PLCE1: variants seen among roughly 807,000 people sequenced by gnomAD.
PLCE1 encodes the protein phospholipase C epsilon 1.
In PLCE1, 119 loss-of-function variants were observed where a neutral mutation model predicts 242.8. The ratio of observed to expected loss-of-function variants is 0.49; its 90% CI spans 0.42 to 0.57. The LOEUF (loss-of-function observed/expected upper bound fraction) is 0.57. Ranked by LOEUF, PLCE1 falls within the 20% of genes least tolerant of loss-of-function variation. The pLI is 0.00. For synonymous variants in PLCE1, 945 were observed against 1,017.4 expected, an observed-to-expected ratio of 0.93 and a Z score of 1.35; for missense variants, 2,441 against 2,788.8, an observed-to-expected ratio of 0.88 and a Z score of 2.81.
intron 2 of PLCE1, among the ~76,000 whole-genome samples, chr10:94,061,290 T>C (rs978492553): frequency 6.6e-6 from 1 of 152,182 alleles, no homozygotes; most frequent in Non-Finnish European, 1.5e-5. Context: ...CTATTGGAGA[T>C]GTAAAGATTA....
chr10:94,014,910 T>C (rs1260843055), intron 1 of PLCE1, among the ~76,000 whole-genome samples: 6 of 152,310 alleles, frequency 3.9e-5, no homozygotes, highest in African/African-American at 1.4e-4. Context: ...GATGCTGATG[T>C]AAATGTGAGA....
At position 94,284,343 on chromosome 10, in the gene PLCE1, G is replaced by A. The variant is rs186298629; in HGVS notation, c.4917+432G>A. Among the ~76,000 whole-genome samples the A allele has an allele frequency of 1.3e-3, 203 of 152,262 alleles. 1 individual carries two copies. The highest frequency in any genetic ancestry group is 2.5e-3 in the Non-Finnish European group (167 of 68,030). On this transcript the variant is annotated intron_variant, in intron 21 of 32. Coordinates refer to ENST00000371380, the MANE Select transcript of PLCE1 (RefSeq NM_016341.4). ...CAAGAGGGCAGCCTGGTATGTCCAGGGAATTGCAAGAAGTTTTAAAGGCAT... is the reference window on the plus strand; with the variant it reads ...CAAGAGGGCAGCCTGGTATGTCCAGAGAATTGCAAGAAGTTTTAAAGGCAT...
intron 19 of PLCE1, among the ~76,000 whole-genome samples, chr10:94,274,495 G>A (rs1053320538): frequency 3.3e-5 from 5 of 152,126 alleles, no homozygotes; most frequent in Admixed American, 6.6e-5. Flanking sequence ...TCCTCTGAAG[G>A]TAATACATTA....
chr10:94,018,558 A>T (rs1382385413), intron 1 of PLCE1, among the ~76,000 whole-genome samples: 1 of 152,212 alleles, frequency 6.6e-6, no homozygotes, highest in East Asian at 1.9e-4. Context: ...TTCACTGATG[A>T]CTTGAGTTTA....
At position 94,220,376 on chromosome 10, in the gene PLCE1, T is replaced by TTATATATATATATATA. The variant is rs59633337; in HGVS notation, c.1810-6902_1810-6887dup. 2.4e-3 allele frequency among the ~76,000 whole-genome samples: 148 copies of TTATATATATATATATA among 61,868 alleles called. 5 individuals carry two copies. The highest frequency in any genetic ancestry group is 3.2e-3 in the Non-Finnish European group (109 of 34,210). 40.6% of individuals were successfully genotyped at this position (61,868 alleles called of 152,430 possible). On this transcript the variant is annotated intron_variant, in intron 4 of 32. Coordinates refer to ENST00000371380, the MANE Select transcript of PLCE1 (RefSeq NM_016341.4). ...AATAAAAGCTTAAAAACTAAACATT[T>TTATATATATATATATA]TATATATATATATATATATATATAT...
intron 5 of PLCE1, among the ~76,000 whole-genome samples, chr10:94,231,133 T>C (rs893797402): frequency 2.6e-5 from 4 of 152,236 alleles, no homozygotes; most frequent in African/African-American, 9.6e-5. Flanking sequence ...ATGAGTAGTA[T>C]CTTTATAATC....
At chr10:94,292,480 AT>A (rs1318181996) in intron 22 of PLCE1, among the ~76,000 whole-genome samples, 7 of 152,352 alleles carry the variant, frequency 4.6e-5, no homozygotes, top group Admixed American at 3.9e-4. Context: ...TGTCCCAAGC[AT>A]TTCAGATAAG....
intron 2 of PLCE1, among the ~76,000 whole-genome samples, chr10:94,079,546 T>C (rs368075703): frequency 1.3e-5 from 2 of 152,284 alleles, no homozygotes; most frequent in East Asian, 3.9e-4. Context: ...CGTGTATACC[T>C]ATGTAACAAA....
At chr10:94,214,618 T>C (rs2049455455) in intron 4 of PLCE1, among the ~76,000 whole-genome samples, 1 of 152,198 alleles carries the variant, frequency 6.6e-6, no homozygotes, top group Non-Finnish European at 1.5e-5. Context: ...AGGCACACCA[T>C]TTTATTCCCT....
intron 22 of PLCE1, among the ~76,000 whole-genome samples, chr10:94,285,206 TAA>T (rs564784711): frequency 6.6e-6 from 1 of 152,188 alleles, no homozygotes; most frequent in Non-Finnish European, 1.5e-5. Flanking sequence ...TTAATAATTA[TAA>T]AAGTTATAAT....
intron 8 of PLCE1, 29 bp downstream of exon 8, chr10:94,246,650 C>T (rs2050691991): frequency 1.9e-6 from 3 of 1,595,248 alleles, no homozygotes; most frequent in Non-Finnish European, 2.6e-6. Flanking sequence ...CCTCTTTCCT[C>T]ACTGGCATAA....
At chr10:94,132,060 C>G (rs1442313904) in intron 2 of PLCE1, 114 bp from the exon 3 acceptor site, 1 of 956,024 alleles carries the variant, frequency 1.0e-6, no homozygotes, top group Non-Finnish European at 1.6e-6. Flanking sequence ...AGTGTTTGCA[C>G]TTGGAGCATC....
chr10:94,017,473 C>T (rs534349219), intron 1 of PLCE1, among the ~76,000 whole-genome samples: 1 of 152,134 alleles, frequency 6.6e-6, no homozygotes, highest in South Asian at 2.1e-4. Context: ...CCAAAACAAG[C>T]TATTAGAATG....
At chr10:94,179,512 G>GTTTTTTGTTTTTTTTTTTTTTTTT (rs1554877548) in intron 4 of PLCE1, among the ~76,000 whole-genome samples, 1 of 19,398 alleles carries the variant, frequency 5.2e-5, no homozygotes, top group African/African-American at 1.6e-4. Flanking sequence ...TTTTAGTTTA[G>GTTTTTTGTTTTTTTTTTTTTTTTT]TTTTTTTTTT....
intron 3 of PLCE1, among the ~76,000 whole-genome samples, chr10:94,166,324 G>A (rs879422012): frequency 3.9e-5 from 6 of 152,080 alleles, no homozygotes; most frequent in Non-Finnish European, 2.9e-5. Flanking sequence ...AAGAATACAC[G>A]TTTAAAATTT....
At chr10:94,074,456 G>A (rs1420107208) in intron 2 of PLCE1, among the ~76,000 whole-genome samples, 1 of 152,072 alleles carries the variant, frequency 6.6e-6, no homozygotes, top group Non-Finnish European at 1.5e-5. Flanking sequence ...CCTCCAAAGT[G>A]GTTGGACCAT....
At chr10:94,308,757 C>A in intron 27 of PLCE1, 58 bp downstream of exon 27, 1 of 1,156,878 alleles carries the variant, frequency 8.6e-7, no homozygotes, top group Non-Finnish European at 1.3e-6. Flanking sequence ...TGAAGGTGGG[C>A]TTTTTTGTGG....
At chr10:94,293,006 G>T (rs185200674) in intron 22 of PLCE1, among the ~76,000 whole-genome samples, 41 of 152,306 alleles carry the variant, frequency 2.7e-4, no homozygotes, top group East Asian at 1.3e-3. Flanking sequence ...CCCATCTTCA[G>T]AGTAACCATA....
chr10:94,022,495 C>T, intron 1 of PLCE1, among the ~76,000 whole-genome samples: 1 of 151,148 alleles, frequency 6.6e-6, no homozygotes, highest in Non-Finnish European at 1.5e-5. Context: ...ATATGTAAAT[C>T]CATGTAGAGA....
Sources: allele counts gnomAD v4.1 joint callset (sites outside exome capture counted in the v4.1 genomes callset), GRCh38; gene constraint gnomAD v4.1.1; transcripts MANE v1.5; gene names NCBI Gene and HGNC (gene_info 2026-07-23, HGNC 2026-07-21).